The following CTBP2 variants were observed in gnomAD, a reference collection of about 807,000 sequenced individuals.
CTBP2 encodes the protein C-terminal-binding protein 2.
Under a neutral mutation model 80.3 loss-of-function variants are expected in CTBP2, and 30 were observed. The observed-to-expected ratio is 0.37, with a 90% CI of 0.28 to 0.51. The LOEUF (loss-of-function observed/expected upper bound fraction) is 0.51. CTBP2 is among the 20% of genes least tolerant of loss of function. The pLI is 0.93. For missense variants in CTBP2, 1,212 were observed against 1,375.3 expected (o/e 0.88, Z 1.88); for synonymous variants, 594 against 587.4 (o/e 1.01, Z -0.16).
intron 1 of CTBP2, among the ~76,000 whole-genome samples, chr10:125,135,871 A>G (rs1293753383): frequency 6.6e-6 from 1 of 152,190 alleles, no homozygotes; most frequent in Non-Finnish European, 1.5e-5. Context: ...TCGGCCTCCC[A>G]GGGCAGCCTT....
At position 124,994,650 on chromosome 10, in the gene CTBP2, T is replaced by C. The variant is rs751118813; in HGVS notation, c.2219A>G (p.Lys740Arg). ...AAATATGACGCTGAATCCAAAGGCC[T>C]TGGCTCGAACTGCAACCGCCTGCCC... Residue 740 changes from lysine to arginine, a missense_variant, in exon 5 of 9, where the codon AAG (lysine) becomes AGG (arginine). Transcript: ENST00000309035. The C allele has an allele frequency of 6.2e-7, 1 of 1,614,192 alleles. No homozygotes were observed. Among genetic ancestry groups the C allele is most frequent in the South Asian group, 1.1e-5 (1 of 91,086 alleles).
At chr10:125,030,869 C>T (rs116749903), upstream of CTBP2, among the ~76,000 whole-genome samples, 347 of 152,266 alleles carry the variant, frequency 2.3e-3, 1 homozygote, top group African/African-American at 8.0e-3. Context: ...CTGCACCTGC[C>T]TGGGCTTCCA....
intron 1 of CTBP2, among the ~76,000 whole-genome samples, chr10:125,149,445 A>C (rs1432532460): frequency 1.3e-5 from 2 of 152,170 alleles, no homozygotes; most frequent in African/African-American, 4.8e-5. Context: ...CCCAAGCTGG[A>C]GGTGAGCCAG....
intron 1 of CTBP2, among the ~76,000 whole-genome samples, chr10:125,118,597 A>T (rs995117735): frequency 6.6e-6 from 1 of 152,096 alleles, no homozygotes; most frequent in African/African-American, 2.4e-5. Context: ...ACTGGACCTG[A>T]GGCTCATGGG....
chr10:125,047,332 A>T (rs1347302835), intron 2 of CTBP2, among the ~76,000 whole-genome samples: 1 of 152,234 alleles, frequency 6.6e-6, no homozygotes, highest in African/African-American at 2.4e-5. Flanking sequence ...AGACTGGTTG[A>T]ACAGATAAAA....
intron 2 of CTBP2, among the ~76,000 whole-genome samples, chr10:125,053,281 A>G (rs558398598): frequency 6.6e-6 from 1 of 152,070 alleles, no homozygotes; most frequent in South Asian, 2.1e-4. Flanking sequence ...TGCATTGTCA[A>G]CACAAAGGAC....
chr10:125,132,901 A>G (rs10510142), intron 1 of CTBP2, among the ~76,000 whole-genome samples: 26,450 of 152,238 alleles, frequency 0.17, 2,685 homozygotes, highest in Non-Finnish European at 0.23. Context: ...GCAAACACTC[A>G]GAAAATTTTA....
intron 1 of CTBP2, among the ~76,000 whole-genome samples, chr10:125,122,423 T>G (rs1483442572): frequency 6.6e-6 from 1 of 152,226 alleles, no homozygotes; most frequent in Non-Finnish European, 1.5e-5. Context: ...ATTTTACAGT[T>G]TTCACTGAAG....
At chr10:125,153,772 G>A (rs903959708) in intron 1 of CTBP2, among the ~76,000 whole-genome samples, 5 of 152,210 alleles carry the variant, frequency 3.3e-5, no homozygotes, top group African/African-American at 7.2e-5. Flanking sequence ...CTCCCTCCAC[G>A]GTCTAGGTCT....
intron 4 of CTBP2, chr10:124,996,197 C>G (rs1953533262): frequency 6.6e-6 from 1 of 152,038 alleles, no homozygotes; most frequent in Non-Finnish European, 1.5e-5. Context: ...AGCGCCCCCC[C>G]CGGCCCCCCA....
chr10:125,124,062 A>G (rs890172123), intron 1 of CTBP2, among the ~76,000 whole-genome samples: 4 of 152,216 alleles, frequency 2.6e-5, no homozygotes, highest in Non-Finnish European at 5.9e-5. Context: ...GCTGACATAC[A>G]CAGTTGTACG....
intron 1 of CTBP2, among the ~76,000 whole-genome samples, chr10:125,130,996 G>C (rs80025700): frequency 6.6e-6 from 1 of 152,172 alleles, no homozygotes; most frequent in Non-Finnish European, 1.5e-5. Flanking sequence ...GCCAAGACAC[G>C]ATCAGCTCTG....
At chr10:125,125,192 G>C (rs1412786247) in intron 1 of CTBP2, among the ~76,000 whole-genome samples, 8 of 152,292 alleles carry the variant, frequency 5.3e-5, no homozygotes, top group Non-Finnish European at 1.2e-4. Context: ...AGCATCAACA[G>C]CCCAATCGTA....
At chr10:125,013,413 GGGC>G (rs1565094196) in intron 1 of CTBP2, among the ~76,000 whole-genome samples, 2 of 152,184 alleles carry the variant, frequency 1.3e-5, no homozygotes, top group East Asian at 3.8e-4. Flanking sequence ...AGTCTCGTGC[GGGC>G]ACCGCTGCCG....
At chr10:125,018,451 C>A (rs938839214) in intron 1 of CTBP2, among the ~76,000 whole-genome samples, 6 of 152,254 alleles carry the variant, frequency 3.9e-5, no homozygotes, top group African/African-American at 1.2e-4. Context: ...GATTGTTCCA[C>A]TGCACTCCAG....
At chr10:125,078,392 G>T (rs1846628265) in intron 2 of CTBP2, among the ~76,000 whole-genome samples, 1 of 151,950 alleles carries the variant, frequency 6.6e-6, no homozygotes, top group Non-Finnish European at 1.5e-5. Context: ...GGTCCAAGAA[G>T]ATTATTTTTG....
chr10:125,138,998 G>A (rs1857376708), intron 1 of CTBP2, among the ~76,000 whole-genome samples: 1 of 152,170 alleles, frequency 6.6e-6, no homozygotes, highest in African/African-American at 2.4e-5. Flanking sequence ...TGTGAGTGGT[G>A]CATTAGCCAT....
chr10:125,044,426 C>G (rs1266257151), intron 2 of CTBP2, among the ~76,000 whole-genome samples: 1 of 147,388 alleles, frequency 6.8e-6, no homozygotes, highest in African/African-American at 2.5e-5. Flanking sequence ...AGAAAACACT[C>G]TGACTTTTCA....
At chr10:125,068,700 A>C (rs552305502) in intron 2 of CTBP2, among the ~76,000 whole-genome samples, 5 of 152,172 alleles carry the variant, frequency 3.3e-5, no homozygotes, top group Non-Finnish European at 7.3e-5. Flanking sequence ...TGGGTGAGGG[A>C]GCTGCAGAGG....
Sources: allele counts gnomAD v4.1 joint callset (sites outside exome capture counted in the v4.1 genomes callset), GRCh38; gene constraint gnomAD v4.1.1; transcripts MANE v1.5; gene names NCBI Gene and HGNC (gene_info 2026-07-23, HGNC 2026-07-21).